Variants in DCX observed in about 807,000 individuals in gnomAD.
The protein encoded by DCX is doublecortin, also known as neuronal migration protein doublecortin.
A neutral mutation model predicts 20.9 loss-of-function variants in DCX; 4 were observed. That is an observed-to-expected ratio of 0.19 (90% CI 0.09 to 0.44). The LOEUF is 0.44. Among genes scored for constraint, DCX ranks in the 20% least tolerant of loss-of-function variants. The pLI is 0.99. For synonymous variants in DCX, 103 were observed against 111.4 expected, an observed-to-expected ratio of 0.92 and a Z score of 0.47; for missense variants, 133 against 296.9, an observed-to-expected ratio of 0.45 and a Z score of 4.06.
intron 2 of DCX, among the ~76,000 whole-genome samples, chrX:111,402,653 T>C (rs1372930021): frequency 8.9e-6 from 1 of 111,786 alleles, no homozygotes; most frequent in Non-Finnish European, 1.9e-5. Context: ...TGCTTTGCCA[T>C]AGCACCAAAT....
intron 3 of DCX, among the ~76,000 whole-genome samples, chrX:111,382,298 G>A (rs754228993): frequency 1.8e-5 from 2 of 111,852 alleles, no homozygotes; most frequent in South Asian, 7.4e-4. Flanking sequence ...GAGGCCAGTG[G>A]TTTCTAGACC....
At chrX:111,394,857 T>C (rs1261048158) in intron 3 of DCX, among the ~76,000 whole-genome samples, 1 of 112,525 alleles carries the variant, frequency 8.9e-6, no homozygotes, top group African/African-American at 3.2e-5. Flanking sequence ...TGCTTTGTTT[T>C]GTGAGTCCTC....
intron 3 of DCX, among the ~76,000 whole-genome samples, chrX:111,339,837 G>T (rs1603416593): frequency 9.0e-6 from 1 of 111,515 alleles, no homozygotes; most frequent in Non-Finnish European, 1.9e-5. Context: ...TTAAAGAAAA[G>T]GCACAATTCT....
At chrX:111,401,743 G>A (rs1927810045) in intron 2 of DCX, among the ~76,000 whole-genome samples, 1 of 109,816 alleles carries the variant, frequency 9.1e-6, no homozygotes, top group Non-Finnish European at 1.9e-5. Context: ...CCTATTTTTG[G>A]ACTCAAAGTC....
intron 3 of DCX, among the ~76,000 whole-genome samples, chrX:111,369,234 C>A (rs1218119088): frequency 9.0e-6 from 1 of 110,904 alleles, no homozygotes; most frequent in East Asian, 2.8e-4. Flanking sequence ...AAATGTTAAT[C>A]TCCTTTGGCA....
At chrX:111,363,258 T>C (rs773387861) in intron 3 of DCX, among the ~76,000 whole-genome samples, 1 of 110,961 alleles carries the variant, frequency 9.0e-6, no homozygotes, top group African/African-American at 3.3e-5. Context: ...GTTTTGACTC[T>C]GTCTGCTTCA....
chrX:111,323,638 T>C (rs1265233113), intron 5 of DCX, among the ~76,000 whole-genome samples: 1 of 99,684 alleles, frequency 1.0e-5, no homozygotes, highest in Non-Finnish European at 2.0e-5. Flanking sequence ...ATTTTACTGC[T>C]GTGCTCCCCA....
At chrX:111,357,088 T>C (rs1176885924) in intron 3 of DCX, among the ~76,000 whole-genome samples, 28 of 112,153 alleles carry the variant, frequency 2.5e-4, no homozygotes, top group Non-Finnish European at 2.4e-4. Flanking sequence ...TATTAAACTG[T>C]ATATGGTAGA....
intron 3 of DCX, among the ~76,000 whole-genome samples, chrX:111,336,526 C>T (rs1257960406): frequency 3.6e-5 from 4 of 112,108 alleles, no homozygotes; most frequent in East Asian, 2.8e-4. Flanking sequence ...TATTGAGACA[C>T]GGCAGCCCCC....
At chrX:111,410,451 G>C in intron 1 of DCX, 31 bp from the exon 2 acceptor site, 4 of 1,205,948 alleles carry the variant, frequency 3.3e-6, no homozygotes, top group Non-Finnish European at 3.4e-6. Flanking sequence ...TGGGGGTGAA[G>C]AGAGGCAAAA....
chrX:111,409,950 AT>A (rs1366777982), intron 2 of DCX, 84 bp downstream of exon 2: 8 of 1,167,533 alleles, frequency 6.9e-6, no homozygotes, highest in South Asian at 1.8e-5. Flanking sequence ...ACATTGCCTA[AT>A]TTTTTTTCAA....
intron 3 of DCX, among the ~76,000 whole-genome samples, chrX:111,400,688 C>T (rs1381845093): frequency 2.7e-5 from 3 of 112,297 alleles, no homozygotes; most frequent in Non-Finnish European, 5.6e-5. Context: ...TAGCTAAATT[C>T]ATATTCATAA....
chrX:111,319,340 C>T (rs369159876), intron 5 of DCX, among the ~76,000 whole-genome samples: 16 of 110,755 alleles, frequency 1.4e-4, no homozygotes, highest in South Asian at 3.9e-4. Context: ...ACTAAGGCCA[C>T]GGGGGAGGGA....
rs1391455781 is a variant in DCX, at chrX:111,340,158, A to T, written c.706-7005T>A. 1.6e-4 allele frequency among the ~76,000 whole-genome samples: 18 copies of T among 112,531 alleles called. No homozygotes were observed. The Admixed American group carries it at 1.7e-3, about 11-fold the overall frequency. The stretch of plus-strand genomic sequence containing the variant: ...TCGGGGAAGGGCAGCACTCATCTCT[A>T]TAGCTCCAGGCCACACTTTTCCCTT... On this transcript the variant is annotated intron_variant, in intron 3 of 6. Transcript: ENST00000636035.
chrX:111,342,038 A>G, intron 3 of DCX, among the ~76,000 whole-genome samples: 1 of 108,813 alleles, frequency 9.2e-6, no homozygotes, highest in Non-Finnish European at 1.9e-5. Flanking sequence ...CTAACCTTAC[A>G]TTTAAATGGA....
intron 3 of DCX, among the ~76,000 whole-genome samples, chrX:111,344,104 T>C (rs1272989708): frequency 8.9e-6 from 1 of 112,291 alleles, no homozygotes. Flanking sequence ...TCAATAAACA[T>C]AATCTATCAC....
intron 2 of DCX, among the ~76,000 whole-genome samples, chrX:111,401,673 T>C (rs1232209571): frequency 1.8e-5 from 2 of 112,449 alleles, no homozygotes. Context: ...TTCTAGGATG[T>C]TTAGCTTTCA....
chrX:111,329,576 T>C (rs1386348284), intron 5 of DCX, among the ~76,000 whole-genome samples: 3 of 111,400 alleles, frequency 2.7e-5, no homozygotes, highest in Admixed American at 1.9e-4. Context: ...CAATTATCTC[T>C]ATGTGAGGTC....
intron 6 of DCX, among the ~76,000 whole-genome samples, chrX:111,306,041 T>C (rs1449045255): frequency 3.6e-5 from 4 of 111,289 alleles, no homozygotes; most frequent in Non-Finnish European, 5.7e-5. Context: ...ATATAACATA[T>C]ATAGAAAATC....
Sources: gnomAD v4.1 joint callset for allele counts (sites outside exome capture counted in the v4.1 genomes callset) on GRCh38, gnomAD v4.1.1 for gene constraint, MANE v1.5 for transcripts, NCBI Gene and HGNC (gene_info 2026-07-23, HGNC 2026-07-21) for gene names.